Variants in SERPINA12 observed in about 807,000 individuals in gnomAD.
SERPINA12 encodes serpin family A member 12.
Under a neutral mutation model 25.9 loss-of-function variants are expected in SERPINA12, and 21 were observed. The observed-to-expected ratio is 0.81, with a 90% CI of 0.58 to 1.17. SERPINA12 has a LOEUF of 1.17. Among genes scored for constraint, SERPINA12 ranks in the 50% most tolerant of loss-of-function variants. The pLI is 0.00. For missense variants in SERPINA12, 562 were observed against 508.3 expected (o/e 1.11, Z -1.02); for synonymous variants, 220 against 196.0 (o/e 1.12, Z -1.02).
At chr14:94,495,501 C>T (rs1368516420) in intron 3 of SERPINA12, among the ~76,000 whole-genome samples, 1 of 152,208 alleles carries the variant, frequency 6.6e-6, no homozygotes, top group African/African-American at 2.4e-5. Context: ...AAGCTCAGTC[C>T]TAGCATCATC....
Position 94,507,699 on chromosome 14 carries a change from G to A in SERPINA12, c.-34+1643C>T, listed in dbSNP as rs146460422. On this transcript the variant is annotated intron_variant, in intron 1 of 4. Transcript: ENST00000677451. ...CAGATTAAAAGGACCAGCCACACGA[G>A]GACGTGGAGCAAGTGGAACTCTCTT... Among the ~76,000 whole-genome samples the A allele has an allele frequency of 8.5e-4, 130 of 152,316 alleles. 1 individual carries two copies. Among genetic ancestry groups the A allele is most frequent in the African/African-American group, 2.9e-3 (122 of 41,566 alleles).
intron 4 of SERPINA12, 93 bp from the exon 5 acceptor site, chr14:94,487,587 T>C (rs1236309012): frequency 9.0e-7 from 1 of 1,110,292 alleles, no homozygotes. Context: ...GGAAGACCAC[T>C]TGGCCCAAGC....
chr14:94,508,292 G>A (rs769823541), intron 1 of SERPINA12, among the ~76,000 whole-genome samples: 3 of 152,226 alleles, frequency 2.0e-5, no homozygotes, highest in Non-Finnish European at 2.9e-5. Flanking sequence ...AGCAATCTCC[G>A]GTAAGATCCT....
chr14:94,511,765 G>C (rs892844453), upstream of SERPINA12: 6 of 962,432 alleles, frequency 6.2e-6, no homozygotes, highest in African/African-American at 7.0e-5. Context: ...AGCCAGGTGT[G>C]GGGGAGAGAG....
Position 94,498,080 on chromosome 14 carries a change from C to T in SERPINA12, c.318G>A (p.Lys106=). The T allele has an allele frequency of 6.2e-7, 1 of 1,614,184 alleles. No homozygotes were observed. The change falls in exon 2 of 5, where the codon AAG becomes AAA. Residue 106 remains lysine (K), a synonymous_variant. Transcript: ENST00000677451. ...CCTCATGAAGATCTTTTTCTGGCATCTTTCTGAAGTTGAACCCCTGCTTGA... is the reference window on the plus strand; with the variant it reads ...CCTCATGAAGATCTTTTTCTGGCATTTTTCTGAAGTTGAACCCCTGCTTGA... ...DEIKQGFNFR[K]MPEKDLHEGF... is the part of the protein sequence containing the mutation.
intron 1 of SERPINA12, among the ~76,000 whole-genome samples, chr14:94,506,387 G>A (rs1361857352): frequency 6.6e-6 from 1 of 152,148 alleles, no homozygotes; most frequent in Non-Finnish European, 1.5e-5. Flanking sequence ...CACTAGGTAA[G>A]GGCCAAGGTA....
At chr14:94,507,405 G>A (rs1385038612) in intron 1 of SERPINA12, among the ~76,000 whole-genome samples, 2 of 152,154 alleles carry the variant, frequency 1.3e-5, no homozygotes, top group African/African-American at 4.8e-5. Flanking sequence ...AATTACCTAG[G>A]ACAGTACAAA....
intron 3 of SERPINA12, among the ~76,000 whole-genome samples, chr14:94,493,934 G>A (rs1292431033): frequency 6.6e-6 from 1 of 152,226 alleles, no homozygotes; most frequent in Non-Finnish European, 1.5e-5. Flanking sequence ...ACCAGGGGCT[G>A]CAGAGGGCCT....
intron 1 of SERPINA12, among the ~76,000 whole-genome samples, chr14:94,504,420 G>A (rs949865200): frequency 6.6e-6 from 1 of 152,216 alleles, no homozygotes; most frequent in African/African-American, 2.4e-5. Flanking sequence ...TCTGGGTATG[G>A]AAGCCAGAAT....
chr14:94,505,134 C>A (rs1167814810), intron 1 of SERPINA12, among the ~76,000 whole-genome samples: 2 of 152,242 alleles, frequency 1.3e-5, no homozygotes, highest in Non-Finnish European at 2.9e-5. Context: ...GATCGAAACA[C>A]CTCGGAGGCC....
chr14:94,496,671 T>C (rs777337604), intron 2 of SERPINA12, 28 bp from the exon 3 acceptor site: 11 of 1,607,354 alleles, frequency 6.8e-6, no homozygotes, highest in Middle Eastern at 1.7e-4. Context: ...CAAACAGACA[T>C]GTTATCCCAA....
chr14:94,506,383 G>A (rs1339858401), intron 1 of SERPINA12, among the ~76,000 whole-genome samples: 1 of 152,150 alleles, frequency 6.6e-6, no homozygotes, highest in Non-Finnish European at 1.5e-5. Flanking sequence ...GTCACACTAG[G>A]TAAGGGCCAA....
At chr14:94,506,013 C>T (rs1009218999) in intron 1 of SERPINA12, among the ~76,000 whole-genome samples, 3 of 152,288 alleles carry the variant, frequency 2.0e-5, no homozygotes, top group Admixed American at 6.5e-5. Flanking sequence ...GCCCCCTTCA[C>T]GTGCCCATTA....
chr14:94,503,065 C>T lies in SERPINA12; in HGVS notation c.-33-4635G>A, dbSNP rs563870183. 8.5e-5 allele frequency among the ~76,000 whole-genome samples: 13 copies of T among 152,326 alleles called. No homozygotes were observed. The South Asian group carries it at 2.5e-3, about 29-fold the overall frequency. On this transcript the variant is annotated intron_variant, in intron 1 of 4. Coordinates refer to ENST00000677451, the MANE Select transcript of SERPINA12 (RefSeq NM_001382267.1). ...ACAGAAGACCCTCACAAGAGCCCTG[C>T]ACTTGAAGAGCCACTTCAGGCCTGC...
At chr14:94,512,946 G>A (rs1951017), upstream of SERPINA12, among the ~76,000 whole-genome samples, 127,836 of 152,226 alleles carry the variant, frequency 0.84, 54,362 homozygotes, top group African/African-American at 0.93. Flanking sequence ...GAAGAAATAC[G>A]CAAGCCCACA....
intron 3 of SERPINA12, among the ~76,000 whole-genome samples, chr14:94,495,792 A>G (rs1296635920): frequency 6.6e-6 from 1 of 152,186 alleles, no homozygotes; most frequent in African/African-American, 2.4e-5. Context: ...CTTAAACCCA[A>G]CACCAACTCT....
intron 3 of SERPINA12, among the ~76,000 whole-genome samples, chr14:94,491,498 T>A (rs1900178145): frequency 6.6e-6 from 1 of 151,912 alleles, no homozygotes; most frequent in Admixed American, 6.6e-5. Context: ...CTCTTGGTGG[T>A]GGTGGTGTGT....
intron 1 of SERPINA12, among the ~76,000 whole-genome samples, chr14:94,505,905 C>A (rs11627075): frequency 0.084 from 12,835 of 152,256 alleles, 609 homozygotes; most frequent in African/African-American, 0.11. Context: ...AGGCGCTACA[C>A]CTGGGTTGGG....
Position 94,496,539 on chromosome 14 carries a change from A to G in SERPINA12, c.739T>C (p.Tyr247His). 1 of 1,614,082 alleles carries G rather than the reference A, an allele frequency of 6.2e-7. No homozygotes were observed. Among genetic ancestry groups the G allele is most frequent in the South Asian group, 1.1e-5 (1 of 91,038 alleles). Residue 247 changes from tyrosine to histidine, a missense_variant, in exon 3 of 5, where the codon TAC becomes CAC. By Grantham distance (83) the Tyr-to-His change is moderately conservative. Coordinates refer to ENST00000677451, the MANE Select transcript of SERPINA12 (RefSeq NM_001382267.1). ...KVPMMFRSGI[Y>H]QVGYDDKLSC... ...AGCTTATCGTCATAGCCAACTTGGT[A>G]TATGCCACTACGGAACATCATGGGC... is the stretch of plus-strand genomic sequence containing the variant.
Sources: allele counts gnomAD v4.1 joint callset (sites outside exome capture counted in the v4.1 genomes callset), GRCh38; gene constraint gnomAD v4.1.1; transcripts MANE v1.5; gene names NCBI Gene and HGNC (gene_info 2026-07-23, HGNC 2026-07-21).